The following NCOA2 variants were observed in gnomAD, a reference collection of about 807,000 sequenced individuals.
The protein encoded by NCOA2 is nuclear receptor coactivator 2.
Under a neutral mutation model 145.1 loss-of-function variants are expected in NCOA2, and 21 were observed. The ratio of observed to expected loss-of-function variants is 0.14; its 90% confidence interval spans 0.10 to 0.21. The LOEUF is 0.21. Among genes scored for constraint, NCOA2 ranks in the 10% least tolerant of loss-of-function variants. NCOA2 has a pLI of 1.00. For missense variants in NCOA2, 1,472 were observed against 1,837.6 expected (o/e 0.80, Z 3.64); for synonymous variants, 619 against 637.5 (o/e 0.97, Z 0.44).
At chr8:70,256,342 A>G (rs1823633014) in intron 2 of NCOA2, among the ~76,000 whole-genome samples, 1 of 152,208 alleles carries the variant, frequency 6.6e-6, no homozygotes, top group Non-Finnish European at 1.5e-5. Flanking sequence ...CCAGGCTGCC[A>G]TTGCTAGTAG....
intron 2 of NCOA2, among the ~76,000 whole-genome samples, chr8:70,293,046 A>T (rs768969021): frequency 1.8e-4 from 27 of 151,020 alleles, no homozygotes; most frequent in Admixed American, 3.3e-4. Context: ...GTCAACTTAA[A>T]TTTTTTTTTT....
At chr8:70,398,448 G>A (rs915506600) in intron 1 of NCOA2, among the ~76,000 whole-genome samples, 6 of 152,062 alleles carry the variant, frequency 3.9e-5, no homozygotes, top group East Asian at 1.9e-4. Flanking sequence ...ATGACAGAGC[G>A]AGACCATATC....
intron 18 of NCOA2, among the ~76,000 whole-genome samples, chr8:70,128,162 A>T (rs1808655668): frequency 1.3e-5 from 2 of 152,220 alleles, no homozygotes; most frequent in South Asian, 4.1e-4. Context: ...CCTCCTAGGA[A>T]CGATAGTTGG....
intron 1 of NCOA2, among the ~76,000 whole-genome samples, chr8:70,395,524 G>A (rs977526781): frequency 6.6e-5 from 10 of 152,156 alleles, no homozygotes; most frequent in Non-Finnish European, 5.9e-5. Context: ...CGGAATTTCC[G>A]TATTCCTTAT....
intron 1 of NCOA2, among the ~76,000 whole-genome samples, chr8:70,325,962 G>A (rs1448167571): frequency 6.6e-6 from 1 of 152,050 alleles, no homozygotes; most frequent in African/African-American, 2.4e-5. Context: ...CATTCTAATA[G>A]CAGAGGCAGC....
chr8:70,376,033 C>T (rs1361889090), intron 1 of NCOA2, among the ~76,000 whole-genome samples: 1 of 152,146 alleles, frequency 6.6e-6, no homozygotes, highest in Non-Finnish European at 1.5e-5. Flanking sequence ...AAATACTCTT[C>T]CATTCAACTT....
intron 1 of NCOA2, among the ~76,000 whole-genome samples, chr8:70,301,730 C>T (rs1284048572): frequency 7.1e-6 from 1 of 140,876 alleles, no homozygotes; most frequent in Non-Finnish European, 1.5e-5. Flanking sequence ...TTTTCATGGA[C>T]AACTGAAAAC....
At chr8:70,309,388 T>C (rs1828131913) in intron 1 of NCOA2, among the ~76,000 whole-genome samples, 1 of 148,074 alleles carries the variant, frequency 6.8e-6, no homozygotes, top group East Asian at 2.0e-4. Flanking sequence ...AAAAGAAACA[T>C]CTCGGGCAGA....
intron 1 of NCOA2, among the ~76,000 whole-genome samples, chr8:70,401,645 C>T (rs1210887583): frequency 6.6e-6 from 1 of 152,084 alleles, no homozygotes; most frequent in African/African-American, 2.4e-5. Flanking sequence ...CCATTATGAA[C>T]AATGATGCTT....
At position 70,387,142 on chromosome 8, in the gene NCOA2, G is replaced by GA. The variant is rs564017368; in HGVS notation, c.-77+16557dup. On this transcript the variant is annotated intron_variant, in intron 1 of 22. Coordinates refer to ENST00000452400, the MANE Select transcript of NCOA2 (RefSeq NM_006540.4). ...AATCATACAAATGTCCTCTAGTCAA[G>GA]AAAAAAGCCTATAAACTTTTTGAAA... Among the ~76,000 whole-genome samples the GA allele has an allele frequency of 1.9e-4, 29 of 152,184 alleles. No individual in the cohort carries two copies. In the South Asian group the frequency reaches 6.0e-3, roughly 32 times the overall value.
chr8:70,235,462 T>TA (rs1230542902), intron 2 of NCOA2, among the ~76,000 whole-genome samples: 1 of 152,148 alleles, frequency 6.6e-6, no homozygotes, highest in Non-Finnish European at 1.5e-5. Context: ...ATAAAAAATT[T>TA]AAAAAAATAT....
At chr8:70,291,409 T>C (rs1306190817) in intron 2 of NCOA2, among the ~76,000 whole-genome samples, 1 of 152,208 alleles carries the variant, frequency 6.6e-6, no homozygotes, top group East Asian at 1.9e-4. Flanking sequence ...GAGGTCACAC[T>C]TAGAAATTTT....
chr8:70,204,567 A>G lies in NCOA2; in HGVS notation c.259+9336T>C, dbSNP rs190801058. Among the ~76,000 whole-genome samples, 151 of 152,326 alleles carry G rather than the reference A, an allele frequency of 9.9e-4. 1 individual carries two copies. Among genetic ancestry groups the G allele is most frequent in the Non-Finnish European group, 1.8e-3 (121 of 68,022 alleles). On this transcript the variant is annotated intron_variant, in intron 4 of 22. Transcript: ENST00000452400. ...ACTCAGTTACTATAATACAAATGTT[A>G]TGTTCTTAAATTTAGGGCAGTATTT...
chr8:70,139,473 AATTT>A (rs1257335733), intron 14 of NCOA2, among the ~76,000 whole-genome samples: 3 of 152,284 alleles, frequency 2.0e-5, no homozygotes, highest in Admixed American at 2.0e-4. Context: ...AAATTATACA[AATTT>A]ATGTTTGAGA....
chr8:70,149,436 G>C (rs1423720816), intron 11 of NCOA2, among the ~76,000 whole-genome samples: 1 of 149,004 alleles, frequency 6.7e-6, no homozygotes, highest in African/African-American at 2.5e-5. Flanking sequence ...TTTTAGAGAT[G>C]GGGGTCTCAT....
chr8:70,312,383 A>G (rs1210461613), intron 1 of NCOA2, among the ~76,000 whole-genome samples: 1 of 152,210 alleles, frequency 6.6e-6, no homozygotes, highest in African/African-American at 2.4e-5. Flanking sequence ...GATTTCCTAA[A>G]TCAATGTATC....
intron 2 of NCOA2, among the ~76,000 whole-genome samples, chr8:70,291,364 T>G (rs1408554642): frequency 6.6e-6 from 1 of 152,212 alleles, no homozygotes; most frequent in African/African-American, 2.4e-5. Context: ...ACTTTTCATT[T>G]TAATTACTTT....
At chr8:70,192,483 C>T (rs1373932941) in intron 4 of NCOA2, among the ~76,000 whole-genome samples, 1 of 152,232 alleles carries the variant, frequency 6.6e-6, no homozygotes, top group East Asian at 1.9e-4. Flanking sequence ...GTGCATACAC[C>T]TGTGACTGGA....
At chr8:70,172,692 C>G (rs1458203071) in intron 5 of NCOA2, among the ~76,000 whole-genome samples, 1 of 152,232 alleles carries the variant, frequency 6.6e-6, no homozygotes, top group Admixed American at 6.5e-5. Context: ...CCCTTTTCAA[C>G]TCACTGCTTT....
Sources: gnomAD v4.1 joint callset for allele counts (sites outside exome capture counted in the v4.1 genomes callset) on GRCh38, gnomAD v4.1.1 for gene constraint, MANE v1.5 for transcripts, NCBI Gene and HGNC (gene_info 2026-07-23, HGNC 2026-07-21) for gene names.